The following CNTN3 variants were observed in gnomAD, a reference collection of about 807,000 sequenced individuals.
CNTN3 encodes the protein contactin 3.
In CNTN3, 60 loss-of-function variants were observed where a neutral mutation model predicts 119.1. The ratio of observed to expected loss-of-function variants is 0.50; its 90% CI spans 0.41 to 0.62. The LOEUF is 0.62. CNTN3 is among the 20% of genes least tolerant of loss of function. The probability of loss-of-function intolerance (pLI) is 0.00; values close to 1 mark genes in which losing one functional copy is unlikely to be tolerated. For missense variants in CNTN3, 1,101 were observed against 1,242.4 expected (o/e 0.89, Z 1.71); for synonymous variants, 450 against 438.7 (o/e 1.03, Z -0.32).
chr3:74,374,610 C>T (rs1047513109), intron 5 of CNTN3, among the ~76,000 whole-genome samples: 4 of 152,054 alleles, frequency 2.6e-5, no homozygotes, highest in African/African-American at 9.7e-5. Flanking sequence ...GGCAAGACAG[C>T]AACCCAGAGA....
intron 5 of CNTN3, among the ~76,000 whole-genome samples, chr3:74,386,074 C>G (rs1704738451): frequency 6.6e-6 from 1 of 152,122 alleles, no homozygotes; most frequent in South Asian, 2.1e-4. Context: ...GGAGGAAGCC[C>G]CACATAATAT....
At chr3:74,332,457 G>T (rs1350754124) in intron 13 of CNTN3, among the ~76,000 whole-genome samples, 1 of 152,198 alleles carries the variant, frequency 6.6e-6, no homozygotes, top group Non-Finnish European at 1.5e-5. Flanking sequence ...ATTTCATGTT[G>T]CAGACACCTG....
chr3:74,339,440 C>G (rs1703477624), intron 11 of CNTN3, among the ~76,000 whole-genome samples: 1 of 152,098 alleles, frequency 6.6e-6, no homozygotes, highest in Non-Finnish European at 1.5e-5. Context: ...ACTATTTCCT[C>G]TCTCTGGTTG....
chr3:74,369,103 TAATC>T, intron 8 of CNTN3, 82 bp downstream of exon 8: 2 of 1,005,826 alleles, frequency 2.0e-6, no homozygotes, highest in Admixed American at 7.0e-5. Context: ...GATTCTGCTA[TAATC>T]TCTCACCCCT....
At chr3:74,383,446 T>C (rs932864710) in intron 5 of CNTN3, among the ~76,000 whole-genome samples, 2 of 152,156 alleles carry the variant, frequency 1.3e-5, no homozygotes, top group Non-Finnish European at 2.9e-5. Flanking sequence ...AGGAATTCTA[T>C]AATACTATAT....
chr3:74,326,696 A>C (rs1167588830), intron 13 of CNTN3, among the ~76,000 whole-genome samples: 1 of 152,116 alleles, frequency 6.6e-6, no homozygotes, highest in Non-Finnish European at 1.5e-5. Flanking sequence ...GAGTAGCCCT[A>C]ATATAAAAAA....
At chr3:74,588,786 C>T (rs1184277554) in intron 1 of CNTN3, among the ~76,000 whole-genome samples, 1 of 152,118 alleles carries the variant, frequency 6.6e-6, no homozygotes, top group Non-Finnish European at 1.5e-5. Flanking sequence ...GAACAGAGCC[C>T]TCAGAAATAA....
intron 5 of CNTN3, among the ~76,000 whole-genome samples, chr3:74,385,738 G>T (rs986687910): frequency 6.6e-6 from 1 of 152,226 alleles, no homozygotes. Context: ...CCATATGCAT[G>T]CTGTGGTTGA....
intron 11 of CNTN3, among the ~76,000 whole-genome samples, chr3:74,337,988 CTAATT>C (rs1359493568): frequency 2.0e-5 from 3 of 151,966 alleles, no homozygotes; most frequent in Non-Finnish European, 4.4e-5. Flanking sequence ...CTTTATTGCT[CTAATT>C]TGTCTACTCA....
At chr3:74,376,450 C>A (rs905198482) in intron 5 of CNTN3, among the ~76,000 whole-genome samples, 1 of 152,116 alleles carries the variant, frequency 6.6e-6, no homozygotes, top group Admixed American at 6.6e-5. Flanking sequence ...CTACTGTGAA[C>A]CGAACATGTG....
intron 11 of CNTN3, among the ~76,000 whole-genome samples, chr3:74,340,863 CAG>C (rs1374453827): frequency 1.3e-5 from 2 of 152,048 alleles, no homozygotes; most frequent in Admixed American, 1.3e-4. Flanking sequence ...AACTACAAAA[CAG>C]AGGTAGGTAA....
At chr3:74,598,860 C>T (rs142141182) in intron 1 of CNTN3, among the ~76,000 whole-genome samples, 372 of 151,944 alleles carry the variant, frequency 2.4e-3, no homozygotes, top group African/African-American at 8.7e-3. Context: ...AGAGAAATTT[C>T]GCAGTTTAGA....
chr3:74,354,227 A>G (rs1703882106), intron 11 of CNTN3, among the ~76,000 whole-genome samples: 1 of 152,110 alleles, frequency 6.6e-6, no homozygotes, highest in African/African-American at 2.4e-5. Context: ...AAACATTTGA[A>G]ATAATTTTAA....
chr3:74,277,824 A>T (rs1361359067), intron 20 of CNTN3, among the ~76,000 whole-genome samples: 10 of 152,136 alleles, frequency 6.6e-5, no homozygotes, highest in Admixed American at 4.6e-4. Context: ...AAGAAGTCAA[A>T]CTGTCACTGT....
chr3:74,315,136 G>A (rs1208390781), intron 13 of CNTN3, among the ~76,000 whole-genome samples: 1 of 152,196 alleles, frequency 6.6e-6, no homozygotes, highest in Non-Finnish European at 1.5e-5. Context: ...TCCTGCCAGT[G>A]CCATGACAGT....
intron 1 of CNTN3, among the ~76,000 whole-genome samples, chr3:74,609,139 G>A (rs917565493): frequency 6.6e-6 from 1 of 152,186 alleles, no homozygotes; most frequent in African/African-American, 2.4e-5. Flanking sequence ...AGTTTTCAAG[G>A]AAGTTTGAAA....
At chr3:74,344,549 C>T (rs1428858676) in intron 11 of CNTN3, among the ~76,000 whole-genome samples, 2 of 58,366 alleles carry the variant, frequency 3.4e-5, no homozygotes, top group South Asian at 6.6e-4. Context: ...CTTCAGCCTC[C>T]CGGGTTCACG....
intron 1 of CNTN3, among the ~76,000 whole-genome samples, chr3:74,580,852 G>A (rs1172985259): frequency 1.3e-5 from 2 of 152,150 alleles, no homozygotes; most frequent in African/African-American, 4.8e-5. Context: ...CCATGTAGCT[G>A]GGACTACTGA....
chr3:74,597,476 A>G (rs776750780), intron 1 of CNTN3, among the ~76,000 whole-genome samples: 4 of 151,964 alleles, frequency 2.6e-5, no homozygotes, highest in Non-Finnish European at 5.9e-5. Context: ...TAAAAAGAAA[A>G]CAGCCCCAAA....
Sources: allele counts gnomAD v4.1 joint callset (sites outside exome capture counted in the v4.1 genomes callset), GRCh38; gene constraint gnomAD v4.1.1; transcripts MANE v1.5; gene names NCBI Gene and HGNC (gene_info 2026-07-23, HGNC 2026-07-21).